The following GSE1 variants were observed in gnomAD, a reference collection of about 807,000 sequenced individuals.
The protein encoded by GSE1 is genetic suppressor element 1.
In GSE1, 32 loss-of-function variants were observed where a neutral mutation model predicts 112.6. That is an observed-to-expected ratio of 0.28 (90% CI 0.21 to 0.38). The LOEUF (loss-of-function observed/expected upper bound fraction) is 0.38. Among genes scored for constraint, GSE1 ranks in the 10% least tolerant of loss-of-function variants. GSE1 has a pLI of 1.00. For synonymous variants in GSE1, 1,115 were observed against 735.6 expected (o/e 1.52, Z -8.35); for missense variants, 2,348 against 1,699.2 (o/e 1.38, Z -6.71).
intron 1 of GSE1, among the ~76,000 whole-genome samples, chr16:85,273,115 G>A (rs1018885090): frequency 1.3e-5 from 2 of 152,208 alleles, no homozygotes; most frequent in South Asian, 2.1e-4. Flanking sequence ...AATTGAAGCC[G>A]TGACTGGCTG....
intron 1 of GSE1, among the ~76,000 whole-genome samples, chr16:85,204,346 A>G (rs1456729364): frequency 6.6e-6 from 1 of 152,234 alleles, no homozygotes; most frequent in Non-Finnish European, 1.5e-5. Flanking sequence ...TTCTTTATCC[A>G]TCATCAGCCC....
intron 2 of GSE1, among the ~76,000 whole-genome samples, chr16:85,382,682 C>T (rs2047575021): frequency 6.6e-6 from 1 of 152,142 alleles, no homozygotes; most frequent in Non-Finnish European, 1.5e-5. Flanking sequence ...CAGCAGAAGC[C>T]CCAGGCCATC....
chr16:85,323,600 C>G (rs965690157), intron 1 of GSE1, among the ~76,000 whole-genome samples: 1 of 152,168 alleles, frequency 6.6e-6, no homozygotes, highest in Non-Finnish European at 1.5e-5. Context: ...ATCCCAAGGC[C>G]TATGTGGTGG....
At chr16:85,282,278 G>A (rs1024519792) in intron 1 of GSE1, among the ~76,000 whole-genome samples, 2 of 152,106 alleles carry the variant, frequency 1.3e-5, no homozygotes, top group African/African-American at 4.8e-5. Flanking sequence ...CAGCCGCCTC[G>A]GTCTCCCAAA....
intron 14 of GSE1, among the ~76,000 whole-genome samples, chr16:85,669,847 TC>T (rs1330473272): frequency 6.6e-6 from 1 of 152,172 alleles, no homozygotes; most frequent in Non-Finnish European, 1.5e-5. Context: ...GGTGCCCTCT[TC>T]CCTGCCTCAC....
chr16:85,354,720 C>T (rs1223451195), intron 1 of GSE1, among the ~76,000 whole-genome samples: 1 of 152,246 alleles, frequency 6.6e-6, no homozygotes, highest in Non-Finnish European at 1.5e-5. Flanking sequence ...TGACCGGGTG[C>T]TGCCCCATAA....
intron 2 of GSE1, among the ~76,000 whole-genome samples, chr16:85,457,931 G>A (rs2049874472): frequency 6.6e-6 from 1 of 152,206 alleles, no homozygotes. Flanking sequence ...TGGTAGCATT[G>A]GTGGTGTGTA....
At chr16:85,246,380 TACACACACACCCCACAC>T (rs1905760509) in intron 1 of GSE1, among the ~76,000 whole-genome samples, 1 of 55,750 alleles carries the variant, frequency 1.8e-5, no homozygotes, top group African/African-American at 7.9e-5. Flanking sequence ...ACACGCTGTC[TACACACACACCCCACAC>T]GCTGTCTACA....
At position 85,416,493 on chromosome 16, in the gene GSE1, G is replaced by A. The variant is rs1175689882; in HGVS notation, c.2464+58850G>A. On this transcript the variant is annotated intron_variant, in intron 2 of 2. Coordinates refer to the GSE1 transcript ENST00000637419. ...GGTGCTTTCTGCCCAGCTCCTTCCC[G>A]GAAGGAGGTGCAGCCCCTGCCACGT... 2.6e-5 allele frequency among the ~76,000 whole-genome samples: 4 copies of A among 152,156 alleles called. No homozygotes were observed. In the East Asian group the frequency reaches 7.7e-4, roughly 29 times the overall value.
intron 1 of GSE1, among the ~76,000 whole-genome samples, chr16:85,183,472 G>C (rs563751407): frequency 6.6e-6 from 1 of 152,158 alleles, no homozygotes; most frequent in African/African-American, 2.4e-5. Context: ...GTGTTCCACA[G>C]CCAGGGCACC....
At chr16:85,647,727 C>T (rs1288432300) in intron 2 of GSE1, among the ~76,000 whole-genome samples, 2 of 152,228 alleles carry the variant, frequency 1.3e-5, no homozygotes, top group South Asian at 2.1e-4. Context: ...GCTGGGACTA[C>T]AGGCGCGCGC....
intron 1 of GSE1, among the ~76,000 whole-genome samples, chr16:85,199,173 T>C (rs2074982898): frequency 6.6e-6 from 1 of 152,170 alleles, no homozygotes; most frequent in Admixed American, 6.5e-5. Flanking sequence ...GCCAGGCTTG[T>C]CTCAACCTCC....
In GSE1 at chr16:85,675,120, GTT is replaced by G. The variant is rs1555576737; in HGVS notation, c.*2584_*2585del. 2 of 152,060 alleles carry G rather than the reference GTT, an allele frequency of 1.3e-5. No individual in the cohort carries two copies. The highest frequency in any genetic ancestry group is 1.5e-5 in the Non-Finnish European group (1 of 68,028). 9.4% of individuals were successfully genotyped at this position (152,060 alleles called of 1,614,324 possible). A position where few individuals can be genotyped will look rare whatever the true frequency, so the allele number is the denominator to read the frequency against. Reference sequence around the variant, plus strand: ...AAAGAACACAGTAGCACCTAAATCTGTTTTCAATTGGGCTTAAAAATTGACAT... The same window carrying G: ...AAAGAACACAGTAGCACCTAAATCTGTTCAATTGGGCTTAAAAATTGACAT... On this transcript the variant is annotated 3_prime_UTR_variant, in exon 16 of 16. Transcript: ENST00000253458.
At position 85,477,643 on chromosome 16, in the gene GSE1, C is replaced by G. The variant is rs534797714; in HGVS notation, c.2464+120000C>G. Among the ~76,000 whole-genome samples the G allele has an allele frequency of 2.7e-5, 4 of 150,852 alleles. No individual in the cohort carries two copies. The South Asian group carries it at 8.4e-4, about 32-fold the overall frequency. Reference sequence around the variant, plus strand: ...TGGCGCGATCTCGGCTCACCGCAACCTCCACCTGCTGGGTTCAAGTGATTC... The same window carrying G: ...TGGCGCGATCTCGGCTCACCGCAACGTCCACCTGCTGGGTTCAAGTGATTC... On this transcript the variant is annotated intron_variant, in intron 2 of 2. Coordinates refer to the GSE1 transcript ENST00000637419.
intron 1 of GSE1, among the ~76,000 whole-genome samples, chr16:85,575,566 A>T (rs1181937670): frequency 6.6e-6 from 1 of 152,082 alleles, no homozygotes; most frequent in Non-Finnish European, 1.5e-5. Context: ...CTGCAAAAAC[A>T]CACGGCTAAT....
intron 2 of GSE1, among the ~76,000 whole-genome samples, chr16:85,646,893 G>GA (rs576597356): frequency 2.3e-5 from 1 of 44,336 alleles, no homozygotes; most frequent in Non-Finnish European, 7.0e-5. Flanking sequence ...CCCACAACAA[G>GA]GGGGGGGGTG....
At chr16:85,357,484 G>A in exon 2 of GSE1, 2 of 1,244,034 alleles carry the variant, frequency 1.6e-6, no homozygotes, top group South Asian at 1.3e-5. Flanking sequence ...ATCTCTGGAA[G>A]CATCTGCAGC....
chr16:85,338,401 A>C (rs2875951), intron 1 of GSE1, among the ~76,000 whole-genome samples: 135,092 of 152,224 alleles, frequency 0.89, 60,094 homozygotes, highest in East Asian at 1. Context: ...ATGACAGCGT[A>C]TGTGTGCAGA....
chr16:85,639,001 C>G (rs751854449), intron 2 of GSE1, among the ~76,000 whole-genome samples: 2 of 152,158 alleles, frequency 1.3e-5, no homozygotes, highest in Admixed American at 6.5e-5. Flanking sequence ...GCCCGGGCCC[C>G]ACGCAGAACA....
Sources: allele counts gnomAD v4.1 joint callset (sites outside exome capture counted in the v4.1 genomes callset), GRCh38; gene constraint gnomAD v4.1.1; transcripts MANE v1.5; gene names NCBI Gene and HGNC (gene_info 2026-07-23, HGNC 2026-07-21).